The following GALNTL6 variants were observed in gnomAD, a reference collection of about 807,000 sequenced individuals.
The protein encoded by GALNTL6 is polypeptide N-acetylgalactosaminyltransferase-like 6.
A neutral mutation model predicts 73.7 loss-of-function variants in GALNTL6; 46 were observed. The observed-to-expected ratio is 0.62, with a 90% confidence interval of 0.49 to 0.80. The LOEUF (loss-of-function observed/expected upper bound fraction) is 0.80, where lower values mean the gene tolerates loss of function less well. Ranked by LOEUF, GALNTL6 falls within the 30% of genes least tolerant of loss-of-function variation. The pLI, the probability that GALNTL6 is intolerant of heterozygous loss-of-function variation, is 0.00. For synonymous variants in GALNTL6, 259 were observed against 263.7 expected, an observed-to-expected ratio of 0.98 and a Z score of 0.17; for missense variants, 604 against 755.0, an observed-to-expected ratio of 0.80 and a Z score of 2.34.
chr4:172,675,549 C>T (rs1034005393), intron 5 of GALNTL6, among the ~76,000 whole-genome samples: 1 of 152,172 alleles, frequency 6.6e-6, no homozygotes, highest in Non-Finnish European at 1.5e-5. Context: ...GGTGCCTTCT[C>T]CATGCCCCAC....
intron 10 of GALNTL6, among the ~76,000 whole-genome samples, chr4:172,952,673 A>C (rs538868400): frequency 1.3e-3 from 191 of 151,674 alleles, no homozygotes; most frequent in Non-Finnish European, 2.2e-3. Flanking sequence ...ACACCACGAC[A>C]CTCAGCTAAT....
chr4:172,333,660 A>G (rs912707069), intron 4 of GALNTL6, among the ~76,000 whole-genome samples: 1 of 151,796 alleles, frequency 6.6e-6, no homozygotes, highest in African/African-American at 2.4e-5. Flanking sequence ...GTTTTCATTT[A>G]CTTTGCTGTG....
chr4:172,772,210 G>T (rs1272834141), intron 5 of GALNTL6, among the ~76,000 whole-genome samples: 6 of 152,136 alleles, frequency 3.9e-5, no homozygotes, highest in African/African-American at 1.4e-4. Context: ...CAACATGTGG[G>T]AATTCAAAAT....
At chr4:172,886,772 A>C (rs1319755480) in intron 8 of GALNTL6, among the ~76,000 whole-genome samples, 3 of 152,206 alleles carry the variant, frequency 2.0e-5, no homozygotes, top group Non-Finnish European at 4.4e-5. Context: ...TCTCAAAAAA[A>C]AAAAATCAAT....
At chr4:172,241,124 A>G (rs1157595457) in intron 3 of GALNTL6, among the ~76,000 whole-genome samples, 2 of 152,292 alleles carry the variant, frequency 1.3e-5, no homozygotes, top group East Asian at 3.9e-4. Context: ...TATTTTTGCT[A>G]TTGAAGTTTG....
intron 5 of GALNTL6, among the ~76,000 whole-genome samples, chr4:172,553,010 G>A (rs1457696171): frequency 6.6e-6 from 1 of 152,036 alleles, no homozygotes; most frequent in Non-Finnish European, 1.5e-5. Flanking sequence ...ATACCCAAGT[G>A]TTTGTCTTCA....
At chr4:172,185,737 T>G (rs2110866023) in intron 2 of GALNTL6, among the ~76,000 whole-genome samples, 1 of 152,290 alleles carries the variant, frequency 6.6e-6, no homozygotes, top group South Asian at 2.1e-4. Context: ...TCCATTTCTG[T>G]TTTTCACTAA....
intron 10 of GALNTL6, among the ~76,000 whole-genome samples, chr4:173,003,083 T>C (rs772266029): frequency 7.0e-4 from 106 of 152,206 alleles, no homozygotes; most frequent in Non-Finnish European, 1.0e-3. Context: ...TGAATGCACT[T>C]AATGCTATTC....
intron 2 of GALNTL6, among the ~76,000 whole-genome samples, chr4:171,957,922 G>A (rs909274738): frequency 1.3e-5 from 2 of 152,178 alleles, no homozygotes; most frequent in Non-Finnish European, 2.9e-5. Flanking sequence ...GATGCACTTA[G>A]GTTGAATTGC....
intron 2 of GALNTL6, among the ~76,000 whole-genome samples, chr4:172,038,595 T>G (rs537466989): frequency 5.3e-5 from 8 of 152,290 alleles, no homozygotes; most frequent in South Asian, 4.1e-4. Flanking sequence ...ATTAATACAT[T>G]AAATAATAGA....
At chr4:173,014,191 A>T (rs956380671) in intron 11 of GALNTL6, among the ~76,000 whole-genome samples, 4 of 152,248 alleles carry the variant, frequency 2.6e-5, no homozygotes, top group Non-Finnish European at 4.4e-5. Context: ...CTGTGAAGGA[A>T]GCAAATGTAT....
chr4:172,624,925 A>T lies in GALNTL6; in HGVS notation c.554-184436A>T, dbSNP rs376196678. On this transcript the variant is annotated intron_variant, in intron 5 of 12. Coordinates refer to ENST00000506823, the MANE Select transcript of GALNTL6 (RefSeq NM_001034845.3). ...TGATCCTGTCACCCAGGTAGTGAGC[A>T]TAGTATCCAGTAGTAAGTTTTTCAA... is the stretch of plus-strand genomic sequence containing the variant. 6.6e-5 allele frequency among the ~76,000 whole-genome samples: 10 copies of T among 151,990 alleles called. 1 individual carries two copies. The South Asian group carries it at 2.1e-3, about 32-fold the overall frequency.
At chr4:172,798,701 G>A (rs1740425741) in intron 5 of GALNTL6, among the ~76,000 whole-genome samples, 1 of 152,212 alleles carries the variant, frequency 6.6e-6, no homozygotes, top group Non-Finnish European at 1.5e-5. Context: ...GCACGTACAT[G>A]TAAAAATAAC....
chr4:172,599,534 A>C (rs1287269042), intron 5 of GALNTL6, among the ~76,000 whole-genome samples: 1 of 152,202 alleles, frequency 6.6e-6, no homozygotes, highest in African/African-American at 2.4e-5. Context: ...ACCCAATTAC[A>C]TGATGCCCTT....
chr4:172,691,169 A>G (rs1451447833), intron 5 of GALNTL6, among the ~76,000 whole-genome samples: 1 of 152,192 alleles, frequency 6.6e-6, no homozygotes, highest in Non-Finnish European at 1.5e-5. Flanking sequence ...GAGGATGGGT[A>G]TTCCCAGGTC....
chr4:171,880,516 AG>A (rs1353699317), intron 2 of GALNTL6, among the ~76,000 whole-genome samples: 1 of 152,244 alleles, frequency 6.6e-6, no homozygotes, highest in African/African-American at 2.4e-5. Flanking sequence ...GATCACCCAA[AG>A]GGTAGGGAAG....
chr4:171,829,371 C>T (rs904712414), intron 2 of GALNTL6, among the ~76,000 whole-genome samples: 15 of 152,124 alleles, frequency 9.9e-5, no homozygotes, highest in African/African-American at 3.6e-4. Flanking sequence ...CAGGCTACTC[C>T]AGTCTTAAAT....
At chr4:171,880,253 G>A (rs1736401142) in intron 2 of GALNTL6, among the ~76,000 whole-genome samples, 1 of 152,060 alleles carries the variant, frequency 6.6e-6, no homozygotes, top group African/African-American at 2.4e-5. Flanking sequence ...GTTTATTACT[G>A]TACTAAAACA....
At chr4:171,870,520 T>C (rs1229895310) in intron 2 of GALNTL6, among the ~76,000 whole-genome samples, 2 of 151,766 alleles carry the variant, frequency 1.3e-5, no homozygotes, top group Non-Finnish European at 2.9e-5. Context: ...ACCATTGATA[T>C]AAATATCAAA....
Sources: gnomAD v4.1 joint callset for allele counts (sites outside exome capture counted in the v4.1 genomes callset) on GRCh38, gnomAD v4.1.1 for gene constraint, MANE v1.5 for transcripts, NCBI Gene and HGNC (gene_info 2026-07-23, HGNC 2026-07-21) for gene names.